The following NME9 variants were observed in gnomAD, a reference collection of about 807,000 sequenced individuals.
NME9 encodes NME/NM23 family member 9, also known as thioredoxin domain-containing protein 6.
A neutral mutation model predicts 44.4 loss-of-function variants in NME9; 48 were observed. The observed-to-expected ratio is 1.08, with a 90% CI of 0.86 to 1.37. NME9 has a LOEUF of 1.37. NME9 is among the 40% of genes most tolerant of loss of function. NME9 has a pLI of 0.00. For synonymous variants in NME9, 139 were observed against 147.1 expected (o/e 0.94, Z 0.40); for missense variants, 325 against 405.2 (o/e 0.80, Z 1.70).
chr3:138,311,308 A>C (rs2052686447), intron 6 of NME9, among the ~76,000 whole-genome samples: 1 of 152,204 alleles, frequency 6.6e-6, no homozygotes, highest in South Asian at 2.1e-4. Flanking sequence ...AAATTCTACC[A>C]AACATTTAAA....
At chr3:138,263,394 C>G (rs1341231233) in intron 8 of NME9, 1 of 236,304 alleles carries the variant, frequency 4.2e-6, no homozygotes, top group Non-Finnish European at 8.4e-6. Flanking sequence ...CTGGAAGGAA[C>G]CTGCCCAATG....
intron 8 of NME9, among the ~76,000 whole-genome samples, chr3:138,288,578 A>G (rs1268611680): frequency 2.0e-5 from 3 of 149,826 alleles, no homozygotes; most frequent in Non-Finnish European, 2.9e-5. Flanking sequence ...CCTTCTACTC[A>G]TTAGTGTTAA....
At chr3:138,325,020 C>A (rs764308882) in intron 1 of NME9, 90 bp from the exon 2 acceptor site, 110 of 1,005,654 alleles carry the variant, frequency 1.1e-4, no homozygotes, top group Non-Finnish European at 1.6e-4. Flanking sequence ...TCTCTTCTAT[C>A]TCTGAAATAC....
At chr3:138,298,542 C>G (rs891549884), downstream of NME9, among the ~76,000 whole-genome samples, 1 of 152,140 alleles carries the variant, frequency 6.6e-6, no homozygotes, top group Non-Finnish European at 1.5e-5. Flanking sequence ...GTGTGGTTCC[C>G]AGAGGCATCT....
intron 8 of NME9, among the ~76,000 whole-genome samples, chr3:138,279,993 TC>T (rs2049719755): frequency 6.6e-6 from 1 of 151,388 alleles, no homozygotes; most frequent in African/African-American, 2.4e-5. Flanking sequence ...AACCTCTGCC[TC>T]CCGGGTTCAA....
chr3:138,327,152 C>CA (rs2053847408), intron 1 of NME9: 1 of 135,284 alleles, frequency 7.4e-6, no homozygotes, highest in South Asian at 2.3e-4. Context: ...CAGAATGAAA[C>CA]TGTCTCAAAA....
chr3:138,329,746 A>C lies in NME9; in HGVS notation c.-411T>G. ...GGACCCTGTTATCCCTGCTGTTCTT[A>C]TGGATTACTGGGAAAGTGAGCCACT... is the stretch of plus-strand genomic sequence containing the variant. On this transcript the variant is annotated 5_prime_UTR_variant, in exon 1 of 11. It removes the in-frame stop codon of an upstream open reading frame in the 5' UTR. Transcript: ENST00000333911. 1 of 1,016,714 alleles carries C rather than the reference A, an allele frequency of 9.8e-7. No homozygotes were observed. The highest frequency in any genetic ancestry group is 1.2e-6 in the Non-Finnish European group (1 of 850,280). 63.0% of individuals were successfully genotyped at this position (1,016,714 alleles called of 1,614,324 possible).
In NME9 at chr3:138,304,903, G is replaced by A. The variant is rs773561748; in HGVS notation, c.761C>T (p.Pro254Leu). 1.9e-6 allele frequency: 3 copies of A among 1,613,998 alleles called. No individual in the cohort carries two copies. The highest frequency in any genetic ancestry group is 2.5e-6 in the Non-Finnish European group (3 of 1,180,012). Residue 254 changes from proline (P) to leucine (L), a missense_variant, in exon 9 of 11, where the codon CCC (proline) becomes CTC (leucine). Physicochemically the swap from Pro to Leu is moderately conservative, Grantham distance 98. Transcript: ENST00000333911. ...TGGCTGCTCCCTCCTGGCCACATTGGGGTCACGGGGGCCCATGACGGTTCG... is the reference window on the plus strand; with the variant it reads ...TGGCTGCTCCCTCCTGGCCACATTGAGGTCACGGGGGCCCATGACGGTTCG... ...TWRTVMGPRD[P>L]NVARREQPES...
chr3:138,301,573 G>T lies in NME9; in HGVS notation c.*67C>A, dbSNP rs922944757. The T allele has an allele frequency of 6.6e-7, 1 of 1,523,208 alleles. No homozygotes were observed. Among genetic ancestry groups the T allele is most frequent in the Non-Finnish European group, 8.8e-7 (1 of 1,142,152 alleles). 94.4% of individuals were successfully genotyped at this position (1,523,208 alleles called of 1,614,324 possible). A position where few individuals can be genotyped will look rare whatever the true frequency, so the allele number is the denominator to read the frequency against. On this transcript the variant is annotated 3_prime_UTR_variant, in exon 11 of 11. Coordinates refer to ENST00000333911, the MANE Select transcript of NME9 (RefSeq NM_001349018.2). The stretch of plus-strand genomic sequence containing the variant: ...ATTGGTACTCAAAAGAGTAAGTTCC[G>T]ATTCCGGAGGTCTGTTTTGTGCAGT...
At chr3:138,287,389 G>C (rs777218952) in intron 8 of NME9, among the ~76,000 whole-genome samples, 7 of 152,098 alleles carry the variant, frequency 4.6e-5, no homozygotes, top group Admixed American at 1.3e-4. Context: ...CTCTGTTTAA[G>C]TATTGCCACC....
chr3:138,275,310 C>A (rs1182944281), intron 8 of NME9, among the ~76,000 whole-genome samples: 1 of 152,174 alleles, frequency 6.6e-6, no homozygotes, highest in African/African-American at 2.4e-5. Context: ...GTAATCCCAG[C>A]ACTTTGGGAG....
At chr3:138,307,000 G>A (rs1395348315) in intron 6 of NME9, among the ~76,000 whole-genome samples, 2 of 152,202 alleles carry the variant, frequency 1.3e-5, no homozygotes, top group East Asian at 3.9e-4. Flanking sequence ...CTGTGCCTCT[G>A]ATACTTTTTC....
At chr3:138,292,436 T>C (rs2051051062) in intron 8 of NME9, among the ~76,000 whole-genome samples, 1 of 152,206 alleles carries the variant, frequency 6.6e-6, no homozygotes, top group African/African-American at 2.4e-5. Context: ...AAGGCCATTG[T>C]AATAATGTCG....
chr3:138,324,732 ACACACAC>A, intron 2 of NME9, 134 bp downstream of exon 2: 3 of 618,998 alleles, frequency 4.8e-6, no homozygotes, highest in South Asian at 1.8e-5. Context: ...ACACACACAC[ACACACAC>A]ATCACCTGGT....
At chr3:138,267,392 A>C (rs2048375506) in intron 8 of NME9, among the ~76,000 whole-genome samples, 1 of 152,212 alleles carries the variant, frequency 6.6e-6, no homozygotes, top group Non-Finnish European at 1.5e-5. Flanking sequence ...GTGTGCAAAT[A>C]AATCATTCAT....
In NME9 at chr3:138,324,693, TACACACACACACACACACAC is replaced by T. The variant is rs55961241; in HGVS notation, c.91+160_91+179del. On this transcript the variant is annotated intron_variant, in intron 2 of 10. Coordinates refer to ENST00000333911, the MANE Select transcript of NME9 (RefSeq NM_001349018.2). ...TGAATTTACTGATATTCAAGCCAGA[TACACACACACACACACACAC>T]ACACACACACACACACACACACACA... The T allele has an allele frequency of 7.1e-4, 379 of 534,610 alleles. 2 individuals are homozygous for T. The highest frequency in any genetic ancestry group is 5.7e-3 in the African/African-American group (273 of 48,054). The allele number at this position is 534,610 out of a possible 1,614,324, so 33.1% of individuals were successfully genotyped here.
At chr3:138,284,465 C>A in intron 8 of NME9, 1 of 1,613,756 alleles carries the variant, frequency 6.2e-7, no homozygotes, top group South Asian at 1.1e-5. Flanking sequence ...GCGGATGGGA[C>A]AACAGCAAAA....
intron 4 of NME9, among the ~76,000 whole-genome samples, chr3:138,316,772 G>C (rs1329250847): frequency 2.1e-4 from 32 of 152,064 alleles, no homozygotes; most frequent in Admixed American, 2.1e-3. Context: ...CCGCCACCAG[G>C]CCTGGCTAAT....
chr3:138,263,560 C>T, intron 8 of NME9: 1 of 633,278 alleles, frequency 1.6e-6, no homozygotes, highest in East Asian at 2.8e-5. Flanking sequence ...CCTTAGTGGG[C>T]TAGACCTACC....
Sources: allele counts gnomAD v4.1 joint callset (sites outside exome capture counted in the v4.1 genomes callset), GRCh38; gene constraint gnomAD v4.1.1; transcripts MANE v1.5; gene names NCBI Gene and HGNC (gene_info 2026-07-23, HGNC 2026-07-21).